DIP2B: variants seen among roughly 807,000 people sequenced by gnomAD.
DIP2B encodes the protein disco-interacting protein 2 homolog B.
DIP2B carries 76 observed loss-of-function variants against 198.0 expected under a neutral mutation model. The observed-to-expected ratio is 0.38, with a 90% CI of 0.32 to 0.46. The LOEUF (loss-of-function observed/expected upper bound fraction) is 0.46. Ranked by LOEUF, DIP2B falls within the 20% of genes least tolerant of loss-of-function variation. The pLI, the probability that DIP2B is intolerant of heterozygous loss-of-function variation, is 0.99. For missense variants in DIP2B, 1,559 were observed against 1,978.4 expected, an observed-to-expected ratio of 0.79 and a Z score of 4.02; for synonymous variants, 701 against 739.1, an observed-to-expected ratio of 0.95 and a Z score of 0.84.
chr12:50,552,623 G>T (rs1375904402), intron 1 of DIP2B, among the ~76,000 whole-genome samples: 1 of 151,994 alleles, frequency 6.6e-6, no homozygotes, highest in Non-Finnish European at 1.5e-5. Context: ...TCTCTCTGTT[G>T]ATTGTGTCTT....
chr12:50,744,429 TA>T (rs1218682540), intron 37 of DIP2B, among the ~76,000 whole-genome samples, 157 bp from the exon 38 acceptor site: 1 of 152,052 alleles, frequency 6.6e-6, no homozygotes, highest in Non-Finnish European at 1.5e-5. Context: ...TCTTATCAGG[TA>T]AAATTGAAAG....
intron 3 of DIP2B, among the ~76,000 whole-genome samples, chr12:50,643,859 T>G (rs1429163075): frequency 6.6e-6 from 1 of 152,150 alleles, no homozygotes; most frequent in African/African-American, 2.4e-5. Flanking sequence ...TTATATCTGT[T>G]TGCTACGCCA....
chr12:50,592,448 C>T (rs1265393808), intron 1 of DIP2B, among the ~76,000 whole-genome samples: 2 of 152,002 alleles, frequency 1.3e-5, no homozygotes, highest in South Asian at 2.1e-4. Flanking sequence ...TCAGCCACTG[C>T]GCCGGGCCTT....
intron 1 of DIP2B, among the ~76,000 whole-genome samples, chr12:50,519,580 C>A (rs901212369): frequency 1.3e-5 from 2 of 152,080 alleles, no homozygotes; most frequent in Admixed American, 1.3e-4. Context: ...ATGGGACAGC[C>A]CTAAATGAAA....
At chr12:50,654,415 G>A (rs544984039) in intron 3 of DIP2B, among the ~76,000 whole-genome samples, 124 of 149,376 alleles carry the variant, frequency 8.3e-4, no homozygotes, top group African/African-American at 2.8e-3. Flanking sequence ...AGTGCAAGTA[G>A]TGTGATCATG....
intron 1 of DIP2B, among the ~76,000 whole-genome samples, chr12:50,517,151 C>G (rs539342941): frequency 2.6e-5 from 4 of 152,046 alleles, no homozygotes; most frequent in South Asian, 2.1e-4. Context: ...GATCTTCTGA[C>G]CTCGTGATCC....
intron 1 of DIP2B, among the ~76,000 whole-genome samples, chr12:50,621,005 A>G (rs1298527042): frequency 6.6e-6 from 1 of 152,232 alleles, no homozygotes; most frequent in African/African-American, 2.4e-5. Flanking sequence ...ATCCAGACTT[A>G]GTGCATCAGA....
intron 1 of DIP2B, among the ~76,000 whole-genome samples, chr12:50,581,913 G>C (rs1593627948): frequency 2.0e-5 from 3 of 152,276 alleles, no homozygotes; most frequent in Middle Eastern, 6.8e-3. Flanking sequence ...TTTGCAGCCA[G>C]AATGTAGCCT....
intron 1 of DIP2B, among the ~76,000 whole-genome samples, chr12:50,544,215 T>C (rs1244626379): frequency 8.6e-6 from 1 of 115,766 alleles, no homozygotes; most frequent in Non-Finnish European, 2.0e-5. Flanking sequence ...AGAGTGAGAC[T>C]CCATCTCAAA....
chr12:50,552,935 A>G (rs1844965376), intron 1 of DIP2B, among the ~76,000 whole-genome samples: 1 of 151,982 alleles, frequency 6.6e-6, no homozygotes, highest in South Asian at 2.1e-4. Context: ...TCCCAGGTTC[A>G]AGCCATTCTC....
At chr12:50,631,439 A>G (rs540568314) in intron 2 of DIP2B, among the ~76,000 whole-genome samples, 4 of 151,816 alleles carry the variant, frequency 2.6e-5, no homozygotes, top group South Asian at 4.2e-4. Context: ...GTTGGCCAGG[A>G]TGGTCTCGAT....
intron 5 of DIP2B, among the ~76,000 whole-genome samples, chr12:50,671,621 A>C (rs1322485904): frequency 2.6e-5 from 4 of 152,240 alleles, no homozygotes; most frequent in African/African-American, 7.2e-5. Context: ...TGCCCACCTG[A>C]AGCCATAGCT....
chr12:50,717,835 G>A (rs979168434), intron 23 of DIP2B, among the ~76,000 whole-genome samples: 13 of 150,280 alleles, frequency 8.7e-5, no homozygotes, highest in African/African-American at 2.7e-4. Flanking sequence ...TGATCTGTCC[G>A]CCTCGGCCTC....
intron 1 of DIP2B, among the ~76,000 whole-genome samples, chr12:50,550,972 C>G (rs1958422606): frequency 6.6e-6 from 1 of 150,746 alleles, no homozygotes; most frequent in South Asian, 2.1e-4. Flanking sequence ...TGTAGTACCC[C>G]CAGCTATTTG....
At chr12:50,679,092 A>G (rs944727421) in intron 8 of DIP2B, 2 of 565,342 alleles carry the variant, frequency 3.5e-6, no homozygotes, top group African/African-American at 3.8e-5. Flanking sequence ...AAAAGACAGC[A>G]AAAAGAAGAG....
chr12:50,596,293 G>A (rs1274221603), intron 1 of DIP2B, among the ~76,000 whole-genome samples: 1 of 152,204 alleles, frequency 6.6e-6, no homozygotes, highest in African/African-American at 2.4e-5. Flanking sequence ...TTATGACTCA[G>A]TTTTGACTGT....
At chr12:50,521,109 T>G (rs1172317749) in intron 1 of DIP2B, among the ~76,000 whole-genome samples, 2 of 149,500 alleles carry the variant, frequency 1.3e-5, no homozygotes, top group Admixed American at 6.7e-5. Flanking sequence ...TTTTTTTTTT[T>G]TTTTTTTTTT....
chr12:50,708,376 A>T, intron 21 of DIP2B, 72 bp from the exon 22 acceptor site: 1 of 1,397,108 alleles, frequency 7.2e-7, no homozygotes, highest in Non-Finnish European at 9.9e-7. Flanking sequence ...TCCTCTCTGT[A>T]ATTCCAGTTA....
rs533215581 is a variant in DIP2B, at chr12:50,590,001, T to C, written c.101-35975T>C. On this transcript the variant is annotated intron_variant, in intron 1 of 37. Coordinates refer to ENST00000301180, the MANE Select transcript of DIP2B (RefSeq NM_173602.3). ...TTTCCTGTTTCTCTCTCTCTCTCTC[T>C]TTCTCTGTCTCTCTCTGAGATAGTA... Among the ~76,000 whole-genome samples the C allele has an allele frequency of 2.1e-4, 32 of 151,804 alleles. No homozygotes were observed. The East Asian group carries it at 5.9e-3, about 28-fold the overall frequency.
Sources: allele counts gnomAD v4.1 joint callset (sites outside exome capture counted in the v4.1 genomes callset), GRCh38; gene constraint gnomAD v4.1.1; transcripts MANE v1.5; gene names NCBI Gene and HGNC (gene_info 2026-07-23, HGNC 2026-07-21).